Variants in CDH23 observed in about 807,000 individuals in gnomAD.
The protein encoded by CDH23 is cadherin-23.
A neutral mutation model predicts 317.1 loss-of-function variants in CDH23; 189 were observed. The observed-to-expected ratio is 0.60, with a 90% CI of 0.53 to 0.67. The LOEUF (loss-of-function observed/expected upper bound fraction) is 0.67. CDH23 is among the 30% of genes least tolerant of loss of function. The pLI is 0.00. For synonymous variants in CDH23, 1,839 were observed against 1,876.8 expected (o/e 0.98, Z 0.52); for missense variants, 4,401 against 4,592.4 (o/e 0.96, Z 1.20).
chr10:71,668,855 A>G (rs1005438144), intron 14 of CDH23, among the ~76,000 whole-genome samples: 3 of 151,996 alleles, frequency 2.0e-5, no homozygotes, highest in Non-Finnish European at 4.4e-5. Context: ...GTATGTATTT[A>G]TTTTTTTCCT....
chr10:71,578,939 G>A lies in CDH23; in HGVS notation c.832+947G>A, dbSNP rs1183589434. Among the ~76,000 whole-genome samples, 9 of 152,316 alleles carry A rather than the reference G, an allele frequency of 5.9e-5. No homozygotes were observed. The East Asian group carries it at 1.7e-3, about 29-fold the overall frequency. On this transcript the variant is annotated intron_variant, in intron 9 of 69. Transcript: ENST00000224721. ...CCCCTAAAGCTCAGAGGACAGCAAA[G>A]CATAGTGATCAAGAACATGGAGGAG...
rs377689570 is a variant in CDH23, at chr10:71,633,212, A to G, written c.1135-10649A>G. Among the ~76,000 whole-genome samples, 5 of 152,172 alleles carry G rather than the reference A, an allele frequency of 3.3e-5. No homozygotes were observed. In the East Asian group the frequency reaches 5.8e-4, roughly 18 times the overall value. ...AAAGGCCCCACCTCTCAATACTGCCACTGAGGATTAAATTTCAACGTGAAT... is the reference window on the plus strand; with the variant it reads ...AAAGGCCCCACCTCTCAATACTGCCGCTGAGGATTAAATTTCAACGTGAAT... On this transcript the variant is annotated intron_variant, in intron 11 of 69. Coordinates refer to ENST00000224721, the MANE Select transcript of CDH23 (RefSeq NM_022124.6).
chr10:71,702,042 C>T lies in CDH23; in HGVS notation c.2418C>T (p.Asp806=). 1 of 1,613,740 alleles carries T rather than the reference C, an allele frequency of 6.2e-7. No homozygotes were observed. The highest frequency in any genetic ancestry group is 8.5e-7 in the Non-Finnish European group (1 of 1,179,858). ...DVTTVVAVDP[D]LGENGTLVYS... is the part of the protein sequence containing the mutation. ...GGCAGGTGGTGGCTGTTGACCCAGACCTGGGGGAGAATGGCACCCTGGTGT... is the reference window on the plus strand; with the variant it reads ...GGCAGGTGGTGGCTGTTGACCCAGATCTGGGGGAGAATGGCACCCTGGTGT... Residue 806 remains aspartate (D), a synonymous_variant, in exon 23 of 70, where the codon GAC becomes GAT. Coordinates refer to ENST00000224721, the MANE Select transcript of CDH23 (RefSeq NM_022124.6).
intron 6 of CDH23, among the ~76,000 whole-genome samples, chr10:71,553,526 C>G (rs1219775683): frequency 1.3e-5 from 2 of 152,162 alleles, no homozygotes; most frequent in African/African-American, 4.8e-5. Flanking sequence ...TCTGCTGCCC[C>G]CTTCACCCAC....
intron 3 of CDH23, among the ~76,000 whole-genome samples, chr10:71,474,948 C>T (rs1851711939): frequency 6.6e-6 from 1 of 152,250 alleles, no homozygotes; most frequent in Non-Finnish European, 1.5e-5. Flanking sequence ...TGGTCAATGT[C>T]TAAGACTGCT....
At chr10:71,656,920 G>A (rs562818604) in intron 14 of CDH23, among the ~76,000 whole-genome samples, 2 of 152,292 alleles carry the variant, frequency 1.3e-5, no homozygotes, top group South Asian at 4.1e-4. Context: ...TAGGCGGGGG[G>A]TAGGGGATGG....
intron 20 of CDH23, among the ~76,000 whole-genome samples, chr10:71,693,924 T>C (rs1379593125): frequency 6.6e-6 from 1 of 152,092 alleles, no homozygotes; most frequent in Non-Finnish European, 1.5e-5. Flanking sequence ...TGGGGTTATG[T>C]TGCCCAGCCC....
Position 71,694,228 on chromosome 10 carries a change from T to C in CDH23, c.2258T>C (p.Val753Ala). Residue 753 changes from valine to alanine, a missense_variant, in exon 21 of 70, where the codon GTG becomes GCG. Transcript: ENST00000224721. ...ATCGTTCGCGCAGTGGACGGGGGTG[T>C]GGGCCACAACCAGAAAACTGGCATC... ...ILIVRAVDGGVGHNQKTGIAT... is the reference protein window; with the variant it reads ...ILIVRAVDGGAGHNQKTGIAT... The C allele has an allele frequency of 1.9e-6, 3 of 1,613,032 alleles. No individual in the cohort carries two copies. Among genetic ancestry groups the C allele is most frequent in the Non-Finnish European group, 2.5e-6 (3 of 1,179,572 alleles).
At chr10:71,625,324 T>G (rs1473696392) in intron 11 of CDH23, among the ~76,000 whole-genome samples, 2 of 147,582 alleles carry the variant, frequency 1.4e-5, no homozygotes, top group African/African-American at 5.0e-5. Context: ...GGTTCATTTA[T>G]TTGAGGGGCA....
intron 3 of CDH23, among the ~76,000 whole-genome samples, chr10:71,476,126 G>A (rs1851782848): frequency 6.8e-6 from 1 of 147,870 alleles, no homozygotes; most frequent in Non-Finnish European, 1.5e-5. Flanking sequence ...GGTGGGGAGG[G>A]ACTATTTAAA....
At chr10:71,797,073 C>A (rs754697348) in intron 48 of CDH23, 31 bp from the exon 49 acceptor site, 1 of 1,488,916 alleles carries the variant, frequency 6.7e-7, no homozygotes, top group Non-Finnish European at 9.3e-7. Flanking sequence ...GGGTTCTTCT[C>A]AGGCTGAACC....
chr10:71,728,579 G>A (rs573642658), intron 30 of CDH23, among the ~76,000 whole-genome samples: 75 of 152,258 alleles, frequency 4.9e-4, no homozygotes, highest in Non-Finnish European at 8.5e-4. Context: ...AGACACACAC[G>A]CCTCTGCTGC....
intron 14 of CDH23, among the ~76,000 whole-genome samples, chr10:71,670,942 T>G (rs1331383833): frequency 6.7e-6 from 1 of 148,886 alleles, no homozygotes; most frequent in African/African-American, 2.5e-5. Context: ...GGTGCTCACC[T>G]GGAGCCCTGA....
intron 13 of CDH23, 40 bp downstream of exon 13, chr10:71,646,020 G>T (rs367744918): frequency 1.3e-6 from 2 of 1,593,568 alleles, no homozygotes; most frequent in Non-Finnish European, 1.7e-6. Flanking sequence ...TGGGGTGGGG[G>T]GTGGATTTCA....
At chr10:71,620,114 G>T (rs776164007) in intron 11 of CDH23, among the ~76,000 whole-genome samples, 2 of 152,084 alleles carry the variant, frequency 1.3e-5, no homozygotes, top group Non-Finnish European at 1.5e-5. Context: ...CAGGTCCCTC[G>T]GTCCCTGCAG....
intron 6 of CDH23, among the ~76,000 whole-genome samples, chr10:71,520,354 G>A (rs961550109): frequency 1.3e-5 from 2 of 152,186 alleles, no homozygotes; most frequent in African/African-American, 2.4e-5. Flanking sequence ...AGACTTCCAC[G>A]TAGACTCTGT....
intron 1 of CDH23, among the ~76,000 whole-genome samples, chr10:71,406,518 C>T (rs1016065490): frequency 1.3e-5 from 2 of 152,176 alleles, no homozygotes; most frequent in African/African-American, 4.8e-5. Flanking sequence ...GTCCAGACAA[C>T]TGGGAAGACA....
chr10:71,663,590 G>A (rs1863767045), intron 14 of CDH23, among the ~76,000 whole-genome samples: 1 of 152,200 alleles, frequency 6.6e-6, no homozygotes, highest in Non-Finnish European at 1.5e-5. Context: ...TGGGAACTGT[G>A]ACTTCAGGCA....
At chr10:71,600,311 A>G (rs1268380042) in intron 9 of CDH23, among the ~76,000 whole-genome samples, 2 of 150,946 alleles carry the variant, frequency 1.3e-5, no homozygotes, top group Admixed American at 6.6e-5. Flanking sequence ...CACACCTTCA[A>G]TTTCTTCAGT....
Sources: gnomAD v4.1 joint callset for allele counts (sites outside exome capture counted in the v4.1 genomes callset) on GRCh38, gnomAD v4.1.1 for gene constraint, MANE v1.5 for transcripts, NCBI Gene and HGNC (gene_info 2026-07-23, HGNC 2026-07-21) for gene names.